Variants in PDE6A observed in about 807,000 individuals in gnomAD.
The protein encoded by PDE6A is rod cGMP-specific 3',5'-cyclic phosphodiesterase subunit alpha.
PDE6A carries 84 observed loss-of-function variants against 106.3 expected under a neutral mutation model. The ratio of observed to expected loss-of-function variants is 0.79; its 90% CI spans 0.66 to 0.95. The LOEUF is 0.95. Among genes scored for constraint, PDE6A ranks in the 40% least tolerant of loss-of-function variants. PDE6A has a pLI of 0.00. For missense variants in PDE6A, 1,052 were observed against 1,084.9 expected, an observed-to-expected ratio of 0.97 and a Z score of 0.43; for synonymous variants, 394 against 386.6, an observed-to-expected ratio of 1.02 and a Z score of -0.23.
Position 149,899,419 on chromosome 5 carries a change from T to G in PDE6A, c.1219A>C (p.Lys407Gln), listed in dbSNP as rs1269193144. Residue 407 changes from lysine to glutamine, a missense_variant, in exon 9 of 22, where the codon AAA (lysine) becomes CAA (glutamine). By Grantham distance (53) the Lys-to-Gln change is moderately conservative (BLOSUM62 1). This residue lies in a region of PDE6A where 913 missense variants were observed against 915.2 expected (regional missense o/e 1.00). Coordinates refer to ENST00000255266, the MANE Select transcript of PDE6A (RefSeq NM_000440.3). ...ATTTCATCAAAGGGCTTCCCATCTT[T>G]ACGATTGTAAAATGTGGCCACTCCA... ...IVGVATFYNRKDGKPFDEMDE... is the reference protein window; with the variant it reads ...IVGVATFYNRQDGKPFDEMDE... 2 of 1,614,190 alleles carry G rather than the reference T, an allele frequency of 1.2e-6. No individual in the cohort carries two copies. The highest frequency in any genetic ancestry group is 2.2e-5 in the South Asian group (2 of 91,086).
intron 1 of PDE6A, among the ~76,000 whole-genome samples, chr5:149,943,884 C>G (rs1231444441): frequency 1.3e-5 from 2 of 152,094 alleles, no homozygotes; most frequent in Non-Finnish European, 2.9e-5. Context: ...TACTTACAGA[C>G]AAAGGGCATG....
intron 20 of PDE6A, among the ~76,000 whole-genome samples, chr5:149,864,358 C>T (rs1389312560): frequency 6.6e-6 from 1 of 152,100 alleles, no homozygotes; most frequent in Non-Finnish European, 1.5e-5. Context: ...CCTGCCTCAG[C>T]CTCCCAAGTA....
Position 149,944,199 on chromosome 5 carries a change from C to T in PDE6A, c.474+1G>A. On this transcript the variant is annotated splice_donor_variant, in intron 1 of 21. Transcript: ENST00000255266. LOFTEE classifies it high-confidence loss of function. ...CCTCTCTCTCATGGGGAAGAGAGTA[C>T]CTCCTCTGTGTTGGGGACGTTAGCA... 2 of 1,609,178 alleles carry T rather than the reference C, an allele frequency of 1.2e-6. No individual in the cohort carries two copies. The highest frequency in any genetic ancestry group is 1.7e-6 in the Non-Finnish European group (2 of 1,175,882).
chr5:149,928,426 C>T (rs1313912059), intron 4 of PDE6A, among the ~76,000 whole-genome samples: 1 of 150,604 alleles, frequency 6.6e-6, no homozygotes, highest in African/African-American at 2.4e-5. Context: ...TTAGTAGAGA[C>T]GGGGTTTCAC....
chr5:149,881,176 G>A (rs1379847521), intron 17 of PDE6A, among the ~76,000 whole-genome samples: 1 of 152,200 alleles, frequency 6.6e-6, no homozygotes, highest in Non-Finnish European at 1.5e-5. Context: ...AGCCACTGTG[G>A]AAAGCAGTTT....
chr5:149,919,191 G>A (rs1161765625), intron 5 of PDE6A, among the ~76,000 whole-genome samples: 1 of 152,088 alleles, frequency 6.6e-6, no homozygotes, highest in African/African-American at 2.4e-5. Flanking sequence ...ATTCCCACGA[G>A]AGTCTTTAGA....
rs535796543 is a variant in PDE6A, at chr5:149,934,673, T to C, written c.520A>G (p.Thr174Ala). ...ATGGGGGAAGCCAAGATGTTCTTGG[T>C]CTTGTACTCTGTGAGGATGTCCACA... ...DFVDILTEYK[T>A]KNILASPIMN... is the part of the protein sequence containing the mutation. Residue 174 changes from threonine to alanine, a missense_variant, in exon 2 of 22, where the codon ACC (threonine) becomes GCC (alanine). Thr to Ala is a moderately conservative substitution (Grantham distance 58). Coordinates refer to ENST00000255266, the MANE Select transcript of PDE6A (RefSeq NM_000440.3). 1.2e-6 allele frequency: 2 copies of C among 1,614,082 alleles called. No individual in the cohort carries two copies. Among genetic ancestry groups the C allele is most frequent in the South Asian group, 2.2e-5 (2 of 91,084 alleles).
At chr5:149,904,895 G>A (rs1753126895) in intron 7 of PDE6A, among the ~76,000 whole-genome samples, 1 of 152,080 alleles carries the variant, frequency 6.6e-6, no homozygotes, top group African/African-American at 2.4e-5. Flanking sequence ...CCTATAGCAA[G>A]CACCCAGGCA....
intron 5 of PDE6A, among the ~76,000 whole-genome samples, chr5:149,920,626 C>T (rs1210409872): frequency 6.6e-6 from 1 of 152,106 alleles, no homozygotes; most frequent in African/African-American, 2.4e-5. Flanking sequence ...AGAACTCAGG[C>T]CACATCCCAA....
At chr5:149,915,395 C>T (rs553494957) in intron 5 of PDE6A, among the ~76,000 whole-genome samples, 197 of 152,154 alleles carry the variant, frequency 1.3e-3, no homozygotes, top group African/African-American at 4.5e-3. Context: ...TCGTATGCCC[C>T]GTAGTTTTTG....
chr5:149,930,290 A>G lies in PDE6A; in HGVS notation c.858+738T>C, dbSNP rs530615517. 2.6e-5 allele frequency among the ~76,000 whole-genome samples: 4 copies of G among 152,270 alleles called. No individual in the cohort carries two copies. The South Asian group carries it at 8.3e-4, about 32-fold the overall frequency. On this transcript the variant is annotated intron_variant, in intron 4 of 21. Coordinates refer to ENST00000255266, the MANE Select transcript of PDE6A (RefSeq NM_000440.3). Reference sequence around the variant, plus strand: ...GTGATCCATGTATTCACTCAATCCAATATATTTGGAGAGTCTGCATTGGTC... The same window carrying G: ...GTGATCCATGTATTCACTCAATCCAGTATATTTGGAGAGTCTGCATTGGTC...
At position 149,895,224 on chromosome 5, in the gene PDE6A, G is replaced by A; in HGVS notation, c.1687C>T (p.His563Tyr). 1 of 1,614,108 alleles carries A rather than the reference G, an allele frequency of 6.2e-7. No homozygotes were observed. Among genetic ancestry groups the A allele is most frequent in the Non-Finnish European group, 8.5e-7 (1 of 1,179,954 alleles). ...YRKITYHNWR[H>Y]GFNVGQTMFS... ...ATGGTCTGCCCCACGTTGAAGCCGTGCCGCCAGTTGTGGTAGGTGATCTTG... is the reference window on the plus strand; with the variant it reads ...ATGGTCTGCCCCACGTTGAAGCCGTACCGCCAGTTGTGGTAGGTGATCTTG... Residue 563 changes from histidine to tyrosine, a missense_variant, in exon 13 of 22, where the codon CAC (histidine) becomes TAC (tyrosine). His to Tyr is a moderately conservative substitution (Grantham distance 83, BLOSUM62 2). Transcript: ENST00000255266.
intron 3 of PDE6A, among the ~76,000 whole-genome samples, chr5:149,931,771 T>C (rs1160690556): frequency 6.6e-6 from 1 of 152,206 alleles, no homozygotes; most frequent in Non-Finnish European, 1.5e-5. Context: ...CAGAATCAGT[T>C]GTGTGGACCG....
In PDE6A at chr5:149,933,936, A is replaced by G. The variant is rs953914552; in HGVS notation, c.711T>C (p.Arg237=). ...CTTGGCCCAAGCCCCTTACCTGGCC[A>G]CGTCGAGTTTCACAGTTGTGCAGGT... ...LSYLHNCETR[R]GQILLWSGSK... is the part of the protein sequence containing the mutation. Residue 237 remains arginine (R), a synonymous_variant, in exon 3 of 22, where the codon CGT becomes CGC. Transcript: ENST00000255266. The G allele has an allele frequency of 8.7e-6, 14 of 1,612,736 alleles. No individual in the cohort carries two copies. In the Admixed American group the frequency reaches 2.2e-4, roughly 25 times the overall value.
At chr5:149,917,022 T>G (rs139016378) in intron 5 of PDE6A, among the ~76,000 whole-genome samples, 2 of 151,790 alleles carry the variant, frequency 1.3e-5, no homozygotes, top group African/African-American at 2.4e-5. Flanking sequence ...TTAGATCAGG[T>G]CTGTTTAATT....
chr5:149,871,834 C>T (rs573645176), intron 17 of PDE6A, among the ~76,000 whole-genome samples: 1 of 152,218 alleles, frequency 6.6e-6, no homozygotes, highest in East Asian at 1.9e-4. Flanking sequence ...AGTTAGGAAG[C>T]CACTGCAGGA....
In PDE6A at chr5:149,863,322, C is replaced by T. The variant is rs1175065696; in HGVS notation, c.2359-56G>A. 5.7e-6 allele frequency: 9 copies of T among 1,582,288 alleles called. No individual in the cohort carries two copies. Among genetic ancestry groups the T allele is most frequent in the African/African-American group, 1.3e-5 (1 of 74,256 alleles). On this transcript the variant is annotated intron_variant, in intron 20 of 21. Coordinates refer to ENST00000255266, the MANE Select transcript of PDE6A (RefSeq NM_000440.3). This position sits in a 1 kb window ranked among gnomAD's most constrained non-coding sequence, Gnocchi z 4.7. ...AGGGCCAGGCCACAGGGTCTGGGCTCAAGCGGGTGGCACAGCTGGAAACGT... is the reference window on the plus strand; with the variant it reads ...AGGGCCAGGCCACAGGGTCTGGGCTTAAGCGGGTGGCACAGCTGGAAACGT...
chr5:149,898,081 C>A (rs1225481514), intron 10 of PDE6A, among the ~76,000 whole-genome samples: 1 of 152,172 alleles, frequency 6.6e-6, no homozygotes. Context: ...CATCTGACCC[C>A]AAGAATGAGG....
intron 1 of PDE6A, among the ~76,000 whole-genome samples, chr5:149,941,965 T>C (rs1477420913): frequency 6.6e-6 from 1 of 152,116 alleles, no homozygotes; most frequent in Non-Finnish European, 1.5e-5. Flanking sequence ...TTTCTTTTCC[T>C]TTCCTTTCCT....
Sources: gnomAD v4.1 joint callset for allele counts (sites outside exome capture counted in the v4.1 genomes callset) on GRCh38, gnomAD v4.1.1 for gene constraint, gnomAD v4.1.1 regional missense constraint, Gnocchi (gnomAD v3.1) non-coding constraint, MANE v1.5 for transcripts, NCBI Gene and HGNC (gene_info 2026-07-23, HGNC 2026-07-21) for gene names.